Variants in ST6GALNAC3 observed in about 807,000 individuals in gnomAD.
ST6GALNAC3 encodes the protein alpha-N-acetylgalactosaminide alpha-2,6-sialyltransferase 3.
ST6GALNAC3 carries 25 observed loss-of-function variants against 32.7 expected under a neutral mutation model. The observed-to-expected ratio is 0.76, with a 90% CI of 0.56 to 1.07. The LOEUF (loss-of-function observed/expected upper bound fraction) is 1.07, where lower values mean the gene tolerates loss of function less well. Ranked by LOEUF, ST6GALNAC3 falls within the 50% of genes least tolerant of loss-of-function variation. ST6GALNAC3 has a pLI of 0.00. For missense variants in ST6GALNAC3, 355 were observed against 382.4 expected (o/e 0.93, Z 0.60); for synonymous variants, 129 against 133.1 (o/e 0.97, Z 0.21).
At chr1:76,457,918 A>C (rs1178488823) in intron 3 of ST6GALNAC3, among the ~76,000 whole-genome samples, 1 of 150,202 alleles carries the variant, frequency 6.7e-6, no homozygotes, top group Non-Finnish European at 1.5e-5. Context: ...TCTGCACAGC[A>C]AAAAAAACTA....
intron 3 of ST6GALNAC3, among the ~76,000 whole-genome samples, chr1:76,598,656 C>T (rs1007863668): frequency 6.6e-6 from 1 of 151,912 alleles, no homozygotes; most frequent in African/African-American, 2.4e-5. Flanking sequence ...CTACTGATGT[C>T]TTCTATATTC....
intron 1 of ST6GALNAC3, among the ~76,000 whole-genome samples, chr1:76,259,609 G>A (rs1160108285): frequency 1.3e-5 from 2 of 152,076 alleles, no homozygotes; most frequent in East Asian, 3.9e-4. Flanking sequence ...CTTTTAAATA[G>A]CTTAAAAGCA....
chr1:76,548,662 T>C (rs1664440091), intron 3 of ST6GALNAC3, among the ~76,000 whole-genome samples: 1 of 152,128 alleles, frequency 6.6e-6, no homozygotes, highest in South Asian at 2.1e-4. Flanking sequence ...TAGTCTGAAA[T>C]ATCATGATTA....
intron 1 of ST6GALNAC3, among the ~76,000 whole-genome samples, chr1:76,187,070 GT>G (rs1234748569): frequency 6.6e-6 from 1 of 152,062 alleles, no homozygotes; most frequent in East Asian, 1.9e-4. Context: ...TCTTGTTACT[GT>G]GAAAGTTTTA....
intron 1 of ST6GALNAC3, among the ~76,000 whole-genome samples, chr1:76,304,470 T>C (rs935420237): frequency 6.0e-5 from 9 of 151,162 alleles, no homozygotes; most frequent in African/African-American, 2.2e-4. Context: ...GAGCAAGTTA[T>C]ATTGGAACTT....
At chr1:76,551,055 G>A (rs1255518295) in intron 3 of ST6GALNAC3, among the ~76,000 whole-genome samples, 1 of 152,180 alleles carries the variant, frequency 6.6e-6, no homozygotes, top group Non-Finnish European at 1.5e-5. Flanking sequence ...TTACAGGTGT[G>A]AGCCACTGTG....
At chr1:76,196,041 A>G (rs146186210) in intron 1 of ST6GALNAC3, among the ~76,000 whole-genome samples, 37 of 152,358 alleles carry the variant, frequency 2.4e-4, no homozygotes, top group Middle Eastern at 6.8e-3. Flanking sequence ...GACACTGTCC[A>G]TGTGTTTCCT....
chr1:76,101,452 G>A (rs765558633), intron 1 of ST6GALNAC3, among the ~76,000 whole-genome samples: 3 of 152,128 alleles, frequency 2.0e-5, no homozygotes, highest in Non-Finnish European at 4.4e-5. Context: ...GCACTTATAA[G>A]TACAGTTTCT....
chr1:76,344,700 CT>C (rs1648350037), intron 2 of ST6GALNAC3, among the ~76,000 whole-genome samples: 1 of 152,190 alleles, frequency 6.6e-6, no homozygotes, highest in African/African-American at 2.4e-5. Flanking sequence ...ATATGCTATA[CT>C]TTCCAAGGTT....
At chr1:76,508,227 C>T (rs547533867) in intron 3 of ST6GALNAC3, among the ~76,000 whole-genome samples, 1 of 152,084 alleles carries the variant, frequency 6.6e-6, no homozygotes, top group Non-Finnish European at 1.5e-5. Context: ...ATCCGTCGCA[C>T]GCAGAGTACA....
At chr1:76,486,354 A>C (rs1660112898) in intron 3 of ST6GALNAC3, among the ~76,000 whole-genome samples, 1 of 151,882 alleles carries the variant, frequency 6.6e-6, no homozygotes, top group Non-Finnish European at 1.5e-5. Context: ...ATTGTGTGGG[A>C]GTCTAAGTCT....
In ST6GALNAC3 at chr1:76,631,448, G is replaced by A. The variant is rs977223269; in HGVS notation, c.*2642G>A. Reference sequence around the variant, plus strand: ...TTTGTTCCATCTTTCTAATTCTAGTGAAAATGCAAAGTCTAATTTCTCCCA... The same window carrying A: ...TTTGTTCCATCTTTCTAATTCTAGTAAAAATGCAAAGTCTAATTTCTCCCA... On this transcript the variant is annotated 3_prime_UTR_variant, in exon 5 of 5. Transcript: ENST00000328299. The A allele has an allele frequency of 1.3e-5, 2 of 151,766 alleles. No individual in the cohort carries two copies. Among genetic ancestry groups the A allele is most frequent in the Non-Finnish European group, 1.5e-5 (1 of 67,924 alleles). 9.4% of individuals were successfully genotyped at this position (151,766 alleles called of 1,614,324 possible).
chr1:76,634,043 T>C lies in ST6GALNAC3; in HGVS notation c.*5237T>C. 5 of 307,030 alleles carry C rather than the reference T, an allele frequency of 1.6e-5. No homozygotes were observed. The highest frequency in any genetic ancestry group is 1.9e-5 in the Non-Finnish European group (4 of 212,810). 19.0% of individuals were successfully genotyped at this position (307,030 alleles called of 1,614,324 possible). A position where few individuals can be genotyped will look rare whatever the true frequency, so the allele number is the denominator to read the frequency against. On this transcript the variant is annotated 3_prime_UTR_variant, in exon 5 of 5. Transcript: ENST00000328299. ...CAGAAAATCTCATTTAGTTTTTTTC[T>C]TTTTTTTTTTCAGTTAACTACTTGT...
At chr1:76,483,525 T>C (rs1261366995) in intron 3 of ST6GALNAC3, among the ~76,000 whole-genome samples, 2 of 152,228 alleles carry the variant, frequency 1.3e-5, no homozygotes, top group African/African-American at 4.8e-5. Flanking sequence ...AGTGTCTTCT[T>C]TTGAGAAGTG....
intron 2 of ST6GALNAC3, among the ~76,000 whole-genome samples, chr1:76,390,435 A>G (rs1383536221): frequency 6.6e-6 from 1 of 152,208 alleles, no homozygotes; most frequent in Non-Finnish European, 1.5e-5. Context: ...TTAACTACCA[A>G]ACTCCTGTGA....
At chr1:76,357,381 C>T in intron 2 of ST6GALNAC3, among the ~76,000 whole-genome samples, 1 of 152,106 alleles carries the variant, frequency 6.6e-6, no homozygotes, top group East Asian at 1.9e-4. Context: ...GGTGATCAAC[C>T]CGCCTTGGCC....
intron 3 of ST6GALNAC3, among the ~76,000 whole-genome samples, chr1:76,485,861 A>G (rs1397002991): frequency 1.3e-5 from 2 of 152,198 alleles, no homozygotes; most frequent in Non-Finnish European, 2.9e-5. Context: ...GTGGACATTT[A>G]GTACTATAAA....
intron 3 of ST6GALNAC3, among the ~76,000 whole-genome samples, chr1:76,487,469 A>T (rs1432256485): frequency 1.3e-5 from 2 of 152,044 alleles, no homozygotes; most frequent in African/African-American, 4.8e-5. Flanking sequence ...GCTTCATTTC[A>T]TTCATTTGAT....
intron 1 of ST6GALNAC3, among the ~76,000 whole-genome samples, chr1:76,198,720 T>C (rs1284507760): frequency 6.6e-6 from 1 of 152,138 alleles, no homozygotes; most frequent in Non-Finnish European, 1.5e-5. Flanking sequence ...ACATACTTAC[T>C]TGGAAAGTCA....
Sources: allele counts gnomAD v4.1 joint callset (sites outside exome capture counted in the v4.1 genomes callset), GRCh38; gene constraint gnomAD v4.1.1; transcripts MANE v1.5; gene names NCBI Gene and HGNC (gene_info 2026-07-23, HGNC 2026-07-21).